The following CACNA1C variants were observed in gnomAD, a reference collection of about 807,000 sequenced individuals.
CACNA1C encodes the protein calcium voltage-gated channel subunit alpha1 C, also known as voltage-dependent L-type calcium channel subunit alpha-1C.
CACNA1C carries 30 observed loss-of-function variants against 229.0 expected under a neutral mutation model. That is an observed-to-expected ratio of 0.13 (90% CI 0.10 to 0.18). The LOEUF (loss-of-function observed/expected upper bound fraction) is 0.18, where lower values mean the gene tolerates loss of function less well. CACNA1C is among the 10% of genes least tolerant of loss of function. The probability of loss-of-function intolerance (pLI) is 1.00; values close to 1 mark genes in which losing one functional copy is unlikely to be tolerated. For missense variants in CACNA1C, 1,658 were observed against 2,845.0 expected, an observed-to-expected ratio of 0.58 and a Z score of 9.49; for synonymous variants, 1,114 against 1,132.5, an observed-to-expected ratio of 0.98 and a Z score of 0.33.
intron 1 of CACNA1C, among the ~76,000 whole-genome samples, chr12:2,072,192 T>G (rs1371301861): frequency 1.3e-5 from 2 of 149,554 alleles, no homozygotes; most frequent in African/African-American, 2.5e-5. Flanking sequence ...AATATATATA[T>G]ATACAAAAAA....
intron 3 of CACNA1C, among the ~76,000 whole-genome samples, chr12:2,228,923 G>A (rs1273859589): frequency 6.6e-6 from 1 of 151,756 alleles, no homozygotes; most frequent in Non-Finnish European, 1.5e-5. Context: ...TATTTTCCAG[G>A]AGCTAGAATA....
chr12:2,560,398 G>C (rs2046817620), intron 11 of CACNA1C, among the ~76,000 whole-genome samples: 1 of 152,206 alleles, frequency 6.6e-6, no homozygotes, highest in African/African-American at 2.4e-5. Flanking sequence ...TGTAAGAATG[G>C]AGTCTCTAGG....
Position 1,971,210 on chromosome 12 carries a change from C to A in CACNA1C, c.139+9C>A, listed in dbSNP as rs758468170. The A allele has an allele frequency of 9.1e-5, 117 of 1,279,640 alleles. No homozygotes were observed. Among genetic ancestry groups the A allele is most frequent in the East Asian group, 8.3e-4 (15 of 17,970 alleles). 79.3% of individuals were successfully genotyped at this position (1,279,640 alleles called of 1,614,324 possible). A position where few individuals can be genotyped will look rare whatever the true frequency, so the allele number is the denominator to read the frequency against. ...CTACATCTCTCCTGGAGGTAAGAAA[C>A]CCTAAAGTGAAATAAAGAGTAGGAA... On this transcript the variant is annotated intron_variant, in intron 1 of 46. Transcript: ENST00000682462. The surrounding 1 kb of genome is among the most constrained non-coding windows in gnomAD (Gnocchi z 4.2).
intron 1 of CACNA1C, among the ~76,000 whole-genome samples, chr12:2,018,985 G>A (rs2045908764): frequency 6.6e-6 from 1 of 152,162 alleles, no homozygotes; most frequent in Non-Finnish European, 1.5e-5. Context: ...TAATGAGGGA[G>A]CAAAATGTGT....
chr12:2,272,254 G>A (rs1274828459), intron 3 of CACNA1C, among the ~76,000 whole-genome samples: 2 of 152,114 alleles, frequency 1.3e-5, no homozygotes, highest in Non-Finnish European at 2.9e-5. Context: ...TCTCCTACTT[G>A]TTTTCACCTC....
At chr12:2,635,374 GTTGT>G (rs1472785750) in intron 30 of CACNA1C, among the ~76,000 whole-genome samples, 1 of 152,170 alleles carries the variant, frequency 6.6e-6, no homozygotes, top group East Asian at 1.9e-4. Flanking sequence ...TTTAACATGT[GTTGT>G]TTAATTTTTT....
At chr12:2,203,823 G>T (rs1167772614) in intron 3 of CACNA1C, among the ~76,000 whole-genome samples, 14 of 152,320 alleles carry the variant, frequency 9.2e-5, no homozygotes, top group Non-Finnish European at 1.6e-4. Flanking sequence ...GAGCTTGCTA[G>T]ACAGAGCCCA....
chr12:2,344,216 G>A (rs756708379), intron 3 of CACNA1C, among the ~76,000 whole-genome samples: 2 of 152,140 alleles, frequency 1.3e-5, no homozygotes, highest in Non-Finnish European at 2.9e-5. Context: ...ACTACTGTTA[G>A]GAAATTTACC....
intron 9 of CACNA1C, among the ~76,000 whole-genome samples, chr12:2,514,785 G>C (rs1598583272): frequency 6.6e-6 from 1 of 152,074 alleles, no homozygotes; most frequent in Admixed American, 6.5e-5. Context: ...TTGCTATTCT[G>C]TTCTCCGCCT....
chr12:2,247,568 GTT>G (rs1375163652), intron 3 of CACNA1C, among the ~76,000 whole-genome samples: 2 of 152,220 alleles, frequency 1.3e-5, no homozygotes, highest in Non-Finnish European at 2.9e-5. Context: ...CCATGGCTGA[GTT>G]TCAGGCTTCC....
intron 13 of CACNA1C, among the ~76,000 whole-genome samples, chr12:2,577,065 T>C (rs1035017120): frequency 6.6e-6 from 1 of 152,202 alleles, no homozygotes; most frequent in Non-Finnish European, 1.5e-5. Flanking sequence ...CTGCCCCCTT[T>C]ATCCTGCTGC....
At chr12:2,499,424 G>A (rs1424212786) in intron 7 of CACNA1C, among the ~76,000 whole-genome samples, 3 of 152,184 alleles carry the variant, frequency 2.0e-5, no homozygotes, top group Admixed American at 2.0e-4. Flanking sequence ...CACAGCTTGA[G>A]AACCCGTGGA....
intron 3 of CACNA1C, among the ~76,000 whole-genome samples, chr12:2,177,561 TTCCCTCCC>T (rs1174918516): frequency 2.6e-4 from 20 of 78,108 alleles, no homozygotes; most frequent in Non-Finnish European, 4.6e-4. Context: ...TTCCCTTTCC[TTCCCTCCC>T]TCCCTCCCTC....
At chr12:1,978,319 A>G (rs2154463073) in intron 1 of CACNA1C, among the ~76,000 whole-genome samples, 1 of 152,330 alleles carries the variant, frequency 6.6e-6, no homozygotes, top group East Asian at 1.9e-4. Context: ...TGTGTTTTAG[A>G]ACAAGGACTG....
chr12:2,214,529 T>C (rs1486383894), intron 3 of CACNA1C, among the ~76,000 whole-genome samples: 3 of 151,900 alleles, frequency 2.0e-5, no homozygotes, highest in East Asian at 1.9e-4. Flanking sequence ...AGAAGGAAAC[T>C]GAAGCATGGA....
chr12:2,079,876 C>T (rs991715306), intron 1 of CACNA1C, among the ~76,000 whole-genome samples: 9 of 152,284 alleles, frequency 5.9e-5, no homozygotes, highest in South Asian at 2.1e-4. Flanking sequence ...GTACACCTCA[C>T]AACAGAGTTG....
chr12:2,545,787 C>T (rs2099879913), intron 9 of CACNA1C, among the ~76,000 whole-genome samples: 2 of 152,248 alleles, frequency 1.3e-5, no homozygotes, highest in Admixed American at 6.5e-5. Flanking sequence ...ACTTGCCTCT[C>T]ATTCCCAGCA....
chr12:2,625,529 G>C (rs1007465451), intron 29 of CACNA1C, among the ~76,000 whole-genome samples: 1 of 152,126 alleles, frequency 6.6e-6, no homozygotes, highest in Non-Finnish European at 1.5e-5. Flanking sequence ...CACAGGCTGC[G>C]GGCAGTACAG....
chr12:2,307,791 A>G (rs572387821), intron 3 of CACNA1C, among the ~76,000 whole-genome samples: 54 of 152,310 alleles, frequency 3.5e-4, no homozygotes, highest in Middle Eastern at 6.8e-3. Context: ...GCCCACTTAC[A>G]TAACAAACTG....
Sources: gnomAD v4.1 joint callset for allele counts (sites outside exome capture counted in the v4.1 genomes callset) on GRCh38, gnomAD v4.1.1 for gene constraint, Gnocchi (gnomAD v3.1) non-coding constraint, MANE v1.5 for transcripts, NCBI Gene and HGNC (gene_info 2026-07-23, HGNC 2026-07-21) for gene names.